Variants in PCGF5 observed in about 807,000 individuals in gnomAD.
PCGF5 encodes the protein polycomb group ring finger 5, also known as polycomb group RING finger protein 5.
Under a neutral mutation model 44.3 loss-of-function variants are expected in PCGF5, and 9 were observed. The ratio of observed to expected loss-of-function variants is 0.20; its 90% CI spans 0.12 to 0.35. The LOEUF is 0.35. Among genes scored for constraint, PCGF5 ranks in the 10% least tolerant of loss-of-function variants. The pLI is 1.00. For missense variants in PCGF5, 146 were observed against 305.3 expected, an observed-to-expected ratio of 0.48 and a Z score of 3.89; for synonymous variants, 95 against 102.5, an observed-to-expected ratio of 0.93 and a Z score of 0.44.
intron 1 of PCGF5, among the ~76,000 whole-genome samples, chr10:91,200,225 G>A (rs894860850): frequency 2.0e-5 from 3 of 152,216 alleles, no homozygotes; most frequent in Non-Finnish European, 2.9e-5. Context: ...AGAGATGAGC[G>A]TGGAGGAGAT....
chr10:91,201,086 C>T (rs1348344873), intron 1 of PCGF5, among the ~76,000 whole-genome samples: 2 of 152,190 alleles, frequency 1.3e-5, no homozygotes. Context: ...GAGCTGCCCA[C>T]TTAGACCACA....
chr10:91,238,924 T>A (rs1845252317), intron 2 of PCGF5, among the ~76,000 whole-genome samples: 1 of 152,086 alleles, frequency 6.6e-6, no homozygotes, highest in African/African-American at 2.4e-5. Context: ...TTTACCCACA[T>A]TTTGTGAGAA....
chr10:91,281,212 C>G lies in PCGF5; in HGVS notation c.*2896C>G, dbSNP rs776709298. On this transcript the variant is annotated 3_prime_UTR_variant, in exon 10 of 10. Transcript: ENST00000336126. ...GCTCATTGATGAGGTAATACTCAGT[C>G]TGGAGTACAGGTAACTTGGGTAATG... 1 of 152,386 alleles carries G rather than the reference C, an allele frequency of 6.6e-6. No individual in the cohort carries two copies. The highest frequency in any genetic ancestry group is 2.4e-5 in the African/African-American group (1 of 41,428). The allele number at this position is 152,386 out of a possible 1,614,324, so 9.4% of individuals were successfully genotyped here.
At chr10:91,192,784 A>G (rs1844056601) in intron 1 of PCGF5, among the ~76,000 whole-genome samples, 1 of 152,202 alleles carries the variant, frequency 6.6e-6, no homozygotes, top group Non-Finnish European at 1.5e-5. Context: ...AAAAGTGGGT[A>G]GGAAGAAGGG....
intron 9 of PCGF5, among the ~76,000 whole-genome samples, chr10:91,274,627 A>G (rs1564659299): frequency 6.6e-6 from 1 of 152,242 alleles, no homozygotes; most frequent in Non-Finnish European, 1.5e-5. Flanking sequence ...GTTAAAATTT[A>G]TAGTGTTAGA....
Position 91,222,990 on chromosome 10 carries a change from A to G in PCGF5, c.112+7A>G. 6.5e-7 allele frequency: 1 copy of G among 1,537,784 alleles called. No homozygotes were observed. On this transcript the variant is annotated splice_region_variant and intron_variant, in intron 2 of 9. Transcript: ENST00000336126. ...ACGGAATGCCTCCATACATGTAAGT[A>G]TTCTTTTAGGTTATTATACCTATCA...
intron 2 of PCGF5, among the ~76,000 whole-genome samples, chr10:91,234,483 C>G (rs1212507030): frequency 6.6e-6 from 1 of 152,174 alleles, no homozygotes; most frequent in East Asian, 1.9e-4. Context: ...AGTTGCAAGA[C>G]TATCACTAGG....
chr10:91,172,248 A>C (rs1340828301), intron 1 of PCGF5, among the ~76,000 whole-genome samples: 1 of 152,100 alleles, frequency 6.6e-6, no homozygotes, highest in Admixed American at 6.5e-5. Context: ...AACGTGATGA[A>C]ACCCTATTAA....
chr10:91,179,570 G>A (rs1258871446), intron 1 of PCGF5, among the ~76,000 whole-genome samples: 5 of 152,022 alleles, frequency 3.3e-5, no homozygotes, highest in African/African-American at 1.2e-4. Context: ...TCATCATTTA[G>A]CTCCCACTTA....
intron 1 of PCGF5, among the ~76,000 whole-genome samples, chr10:91,198,448 G>C (rs1462016756): frequency 6.6e-6 from 1 of 152,176 alleles, no homozygotes; most frequent in East Asian, 1.9e-4. Flanking sequence ...TAATGCCTTT[G>C]CTGACACCTT....
At chr10:91,259,335 CCCTATGGCT>C (rs1167544415) in intron 6 of PCGF5, among the ~76,000 whole-genome samples, 1 of 152,164 alleles carries the variant, frequency 6.6e-6, no homozygotes, top group African/African-American at 2.4e-5. Flanking sequence ...CTCTGTTGAA[CCCTATGGCT>C]CCTCAGGGTC....
At chr10:91,184,829 G>A (rs763106437) in intron 1 of PCGF5, among the ~76,000 whole-genome samples, 1 of 152,086 alleles carries the variant, frequency 6.6e-6, no homozygotes, top group Admixed American at 6.5e-5. Flanking sequence ...TTCAGTATCT[G>A]GAGGTATCAC....
intron 5 of PCGF5, 26 bp downstream of exon 5, chr10:91,248,750 GAC>G (rs1179302302): frequency 6.4e-7 from 1 of 1,572,588 alleles, no homozygotes; most frequent in Non-Finnish European, 8.7e-7. Context: ...GTCTGTTTCT[GAC>G]AGCACCTCTT....
At position 91,282,127 on chromosome 10, in the gene PCGF5, ATAAG is replaced by A. The variant is rs913864999; in HGVS notation, c.*3817_*3820del. 2.0e-5 allele frequency: 3 copies of A among 152,228 alleles called. No individual in the cohort carries two copies. The highest frequency in any genetic ancestry group is 7.2e-5 in the African/African-American group (3 of 41,466). 9.4% of individuals were successfully genotyped at this position (152,228 alleles called of 1,614,324 possible). On this transcript the variant is annotated 3_prime_UTR_variant, in exon 10 of 10. Coordinates refer to ENST00000336126, the MANE Select transcript of PCGF5 (RefSeq NM_032373.5). Reference sequence around the variant, plus strand: ...AAAGACTTCATTCTATGGGATTTATATAAGTAAGTGCTTTCTCTATATTCAAAAT... The same window carrying A: ...AAAGACTTCATTCTATGGGATTTATATAAGTGCTTTCTCTATATTCAAAAT...
intron 3 of PCGF5, among the ~76,000 whole-genome samples, chr10:91,243,464 C>G (rs1249701978): frequency 6.6e-6 from 1 of 152,166 alleles, no homozygotes; most frequent in Non-Finnish European, 1.5e-5. Flanking sequence ...CTTCTATGTA[C>G]TTTTTCTCAG....
At chr10:91,251,197 A>G in intron 5 of PCGF5, 95 bp from the exon 6 acceptor site, 1 of 1,004,246 alleles carries the variant, frequency 1.0e-6, no homozygotes, top group Non-Finnish European at 1.4e-6. Context: ...GAAATTTTTT[A>G]AAGTTGATTT....
intron 2 of PCGF5, among the ~76,000 whole-genome samples, chr10:91,226,120 A>G (rs774042831): frequency 3.3e-5 from 5 of 152,014 alleles, no homozygotes; most frequent in Middle Eastern, 3.2e-3. Flanking sequence ...AGAATGAGTA[A>G]ACGCTAGGTT....
intron 1 of PCGF5, among the ~76,000 whole-genome samples, chr10:91,188,396 T>C (rs1216479070): frequency 6.6e-6 from 1 of 152,176 alleles, no homozygotes; most frequent in Admixed American, 6.5e-5. Flanking sequence ...CAAATGTTGT[T>C]TTATTATTAT....
In PCGF5 at chr10:91,280,917, A is replaced by C. The variant is rs1175780684; in HGVS notation, c.*2601A>C. 1 of 152,526 alleles carries C rather than the reference A, an allele frequency of 6.6e-6. No homozygotes were observed. The highest frequency in any genetic ancestry group is 1.5e-5 in the Non-Finnish European group (1 of 67,920). 9.4% of individuals were successfully genotyped at this position (152,526 alleles called of 1,614,324 possible). ...TCTGAATCTGTAACATCAGAGACTA[A>C]AACTAAAAGTTTTCTTTAATCTGTT... On this transcript the variant is annotated 3_prime_UTR_variant, in exon 10 of 10. Transcript: ENST00000336126.
Sources: allele counts gnomAD v4.1 joint callset (sites outside exome capture counted in the v4.1 genomes callset), GRCh38; gene constraint gnomAD v4.1.1; transcripts MANE v1.5; gene names NCBI Gene and HGNC (gene_info 2026-07-23, HGNC 2026-07-21).